RNF152: variants seen among roughly 807,000 people sequenced by gnomAD.
RNF152 encodes the protein E3 ubiquitin-protein ligase RNF152.
A neutral mutation model predicts 12.7 loss-of-function variants in RNF152; 11 were observed. That is an observed-to-expected ratio of 0.86 (90% confidence interval 0.54 to 1.43). RNF152 has a LOEUF of 1.43. Among genes scored for constraint, RNF152 ranks in the 40% most tolerant of loss-of-function variants. The pLI is 0.00. For missense variants in RNF152, 255 were observed against 274.8 expected (o/e 0.93, Z 0.51); for synonymous variants, 113 against 120.3 (o/e 0.94, Z 0.40).
intron 1 of RNF152, among the ~76,000 whole-genome samples, chr18:61,817,879 T>C (rs1324813528): frequency 6.6e-6 from 1 of 152,094 alleles, no homozygotes; most frequent in Non-Finnish European, 1.5e-5. Flanking sequence ...AGTTTCCCAT[T>C]GAAAGCATCC....
chr18:61,813,506 C>G lies in RNF152; in HGVS notation c.*2346G>C, dbSNP rs1908920405. 6.6e-6 allele frequency: 1 copy of G among 152,166 alleles called. No individual in the cohort carries two copies. The highest frequency in any genetic ancestry group is 6.6e-5 in the Admixed American group (1 of 15,260). The allele number at this position is 152,166 out of a possible 1,614,324, so 9.4% of individuals were successfully genotyped here. On this transcript the variant is annotated 3_prime_UTR_variant, in exon 2 of 2. Coordinates refer to ENST00000312828, the MANE Select transcript of RNF152 (RefSeq NM_173557.3). ...AATTTTGCACTGCTTAATGGCAACTCTAGCATGGGATTGTTTTTAAGTAAA... is the reference window on the plus strand; with the variant it reads ...AATTTTGCACTGCTTAATGGCAACTGTAGCATGGGATTGTTTTTAAGTAAA...
intron 1 of RNF152, among the ~76,000 whole-genome samples, chr18:61,817,503 A>T (rs186110731): frequency 4.6e-5 from 7 of 152,282 alleles, no homozygotes; most frequent in Admixed American, 3.9e-4. Flanking sequence ...ACCAAATGAC[A>T]TCAAAAATAC....
intron 1 of RNF152, among the ~76,000 whole-genome samples, chr18:61,872,732 T>G (rs1208640285): frequency 2.6e-5 from 4 of 152,224 alleles, no homozygotes; most frequent in Admixed American, 6.5e-5. Flanking sequence ...ATCATGATTT[T>G]CGCAGCTATT....
At chr18:61,868,161 C>T (rs1485424423) in intron 1 of RNF152, among the ~76,000 whole-genome samples, 4 of 152,324 alleles carry the variant, frequency 2.6e-5, no homozygotes, top group Non-Finnish European at 5.9e-5. Flanking sequence ...GAACAAGTTA[C>T]CCACTGTAGA....
chr18:61,842,953 G>A lies in RNF152; in HGVS notation c.-135-26355C>T, dbSNP rs142047399. Among the ~76,000 whole-genome samples the A allele has an allele frequency of 8.5e-3, 1,299 of 152,328 alleles. 6 individuals are homozygous for A. The highest frequency in any genetic ancestry group is 0.014 in the Non-Finnish European group (963 of 68,032). The stretch of plus-strand genomic sequence containing the variant: ...ATGGGAGCTACAAGATGAGATTTGG[G>A]TGGGGACACAGAGCCAAACCATATC... On this transcript the variant is annotated intron_variant, in intron 1 of 1. Coordinates refer to ENST00000312828, the MANE Select transcript of RNF152 (RefSeq NM_173557.3).
chr18:61,877,862 T>C (rs1912285011), intron 1 of RNF152, among the ~76,000 whole-genome samples: 1 of 152,192 alleles, frequency 6.6e-6, no homozygotes, highest in South Asian at 2.1e-4. Context: ...AGTCAGACAG[T>C]AGACTGCCAA....
chr18:61,852,551 G>C (rs920289710), intron 1 of RNF152, among the ~76,000 whole-genome samples: 4 of 152,196 alleles, frequency 2.6e-5, no homozygotes, highest in African/African-American at 7.2e-5. Flanking sequence ...AGAACATCTA[G>C]ATTGTCAGTC....
chr18:61,890,365 C>A (rs1912899428), intron 1 of RNF152: 1 of 152,198 alleles, frequency 6.6e-6, no homozygotes, highest in African/African-American at 2.4e-5. Context: ...TGGAACTCAC[C>A]TCTGGGTAGG....
chr18:61,836,245 G>A (rs1910178086), intron 1 of RNF152, among the ~76,000 whole-genome samples: 1 of 152,076 alleles, frequency 6.6e-6, no homozygotes, highest in Admixed American at 6.5e-5. Flanking sequence ...GGGACATGGG[G>A]ACATGTCAAA....
At chr18:61,892,176 T>C (rs1382481604) in intron 1 of RNF152, among the ~76,000 whole-genome samples, 2 of 152,152 alleles carry the variant, frequency 1.3e-5, no homozygotes, top group Non-Finnish European at 1.5e-5. Flanking sequence ...AGTCTACTGG[T>C]TCATGGCTAT....
rs1225347392 is a variant in RNF152 at position 61,820,346 on chromosome 18, A to C, written c.-135-3748T>G. Among the ~76,000 whole-genome samples the C allele has an allele frequency of 2.0e-5, 3 of 150,984 alleles. 1 individual carries two copies. The highest frequency in any genetic ancestry group is 1.9e-4 in the East Asian group (1 of 5,162). On this transcript the variant is annotated intron_variant, in intron 1 of 1. Coordinates refer to ENST00000312828, the MANE Select transcript of RNF152 (RefSeq NM_173557.3). ...TCCGTCTCACCAAAAAAAAAAAAAA[A>C]AAAAAAAAAAAAAGAGTAGGATAAA...
At chr18:61,871,821 AAG>A (rs1912008945) in intron 1 of RNF152, among the ~76,000 whole-genome samples, 1 of 152,198 alleles carries the variant, frequency 6.6e-6, no homozygotes, top group Non-Finnish European at 1.5e-5. Flanking sequence ...ACTATAAAAT[AAG>A]AGCAATTTAC....
chr18:61,839,634 C>T (rs557524771), intron 1 of RNF152, among the ~76,000 whole-genome samples: 3 of 152,126 alleles, frequency 2.0e-5, no homozygotes, highest in Admixed American at 1.3e-4. Flanking sequence ...GGTGGCTCAC[C>T]CCTGTAATCC....
chr18:61,824,478 A>C (rs1354874438), intron 1 of RNF152, among the ~76,000 whole-genome samples: 1 of 152,248 alleles, frequency 6.6e-6, no homozygotes, highest in African/African-American at 2.4e-5. Flanking sequence ...ATCTGGCAAG[A>C]ATGCGCATTT....
intron 1 of RNF152, among the ~76,000 whole-genome samples, chr18:61,889,205 C>T (rs781196694): frequency 2.0e-5 from 3 of 152,176 alleles, no homozygotes; most frequent in Non-Finnish European, 2.9e-5. Flanking sequence ...TAGGTTGATA[C>T]TGATATCCCC....
At chr18:61,853,408 G>T (rs1911074667) in intron 1 of RNF152, among the ~76,000 whole-genome samples, 2 of 150,372 alleles carry the variant, frequency 1.3e-5, no homozygotes, top group Admixed American at 1.3e-4. Flanking sequence ...TCCTGCCTCA[G>T]CCTCCTGAGT....
chr18:61,847,040 T>TA (rs1910770780), intron 1 of RNF152, among the ~76,000 whole-genome samples: 1 of 151,940 alleles, frequency 6.6e-6, no homozygotes, highest in South Asian at 2.1e-4. Context: ...AGTAGCAAGG[T>TA]ATCCAGCCCA....
chr18:61,823,895 G>A (rs370685370), intron 1 of RNF152, among the ~76,000 whole-genome samples: 1 of 152,206 alleles, frequency 6.6e-6, no homozygotes, highest in Non-Finnish European at 1.5e-5. Context: ...GGAGCCAAGG[G>A]CATCCTGTGC....
At chr18:61,855,992 A>G (rs1911213917) in intron 1 of RNF152, among the ~76,000 whole-genome samples, 1 of 152,198 alleles carries the variant, frequency 6.6e-6, no homozygotes, top group Admixed American at 6.5e-5. Flanking sequence ...CCAGGTACTT[A>G]AAGAACTCTG....
Sources: allele counts gnomAD v4.1 joint callset (sites outside exome capture counted in the v4.1 genomes callset), GRCh38; gene constraint gnomAD v4.1.1; transcripts MANE v1.5; gene names NCBI Gene and HGNC (gene_info 2026-07-23, HGNC 2026-07-21).